PDE11A: variants seen among roughly 807,000 people sequenced by gnomAD.
PDE11A encodes the protein phosphodiesterase 11A.
In PDE11A, 100 loss-of-function variants were observed where a neutral mutation model predicts 100.5. The ratio of observed to expected loss-of-function variants is 1.00; its 90% CI spans 0.85 to 1.18. PDE11A has a LOEUF of 1.18. PDE11A is among the 50% of genes most tolerant of loss of function. The probability of loss-of-function intolerance (pLI) is 0.00; values close to 1 mark genes in which losing one functional copy is unlikely to be tolerated. For synonymous variants in PDE11A, 381 were observed against 420.8 expected (o/e 0.91, Z 1.16); for missense variants, 1,141 against 1,152.6 (o/e 0.99, Z 0.15).
At chr2:177,910,445 TAC>T (rs72185959) in intron 2 of PDE11A, among the ~76,000 whole-genome samples, 8,468 of 111,060 alleles carry the variant, frequency 0.076, 253 homozygotes, top group Middle Eastern at 0.17. Flanking sequence ...TATATATATA[TAC>T]ACACACACAC....
chr2:178,026,478 T>G (rs982876193), intron 1 of PDE11A, among the ~76,000 whole-genome samples: 1 of 152,112 alleles, frequency 6.6e-6, no homozygotes, highest in South Asian at 2.1e-4. Context: ...CTGGCCAACA[T>G]GGTGAAACCC....
chr2:177,955,881 C>G (rs1358503738), intron 2 of PDE11A, among the ~76,000 whole-genome samples: 1 of 152,106 alleles, frequency 6.6e-6, no homozygotes. Flanking sequence ...AACTGGATCC[C>G]TTCCTTAAAC....
intron 15 of PDE11A, chr2:177,683,260 A>T (rs1468509992): frequency 6.6e-6 from 1 of 152,292 alleles, no homozygotes; most frequent in Non-Finnish European, 1.5e-5. Flanking sequence ...GCCATACTAC[A>T]TACAGCATGG....
At chr2:178,083,473 C>A (rs1415462826) in intron 2 of PDE11A, among the ~76,000 whole-genome samples, 2 of 152,094 alleles carry the variant, frequency 1.3e-5, no homozygotes, top group Non-Finnish European at 2.9e-5. Context: ...AAAATAAAAA[C>A]AAAAATTTTT....
At chr2:177,718,139 T>C (rs2081470555) in intron 12 of PDE11A, among the ~76,000 whole-genome samples, 1 of 152,264 alleles carries the variant, frequency 6.6e-6, no homozygotes, top group Non-Finnish European at 1.5e-5. Context: ...TTTATAGTGC[T>C]TAGTATATGC....
At chr2:177,641,779 C>T (rs939812768) in intron 19 of PDE11A, among the ~76,000 whole-genome samples, 5 of 151,962 alleles carry the variant, frequency 3.3e-5, no homozygotes, top group Non-Finnish European at 2.9e-5. Context: ...ATTAAAGATA[C>T]CAGCCTTAAA....
chr2:177,836,390 C>G (rs111337755), intron 6 of PDE11A, among the ~76,000 whole-genome samples: 1 of 152,208 alleles, frequency 6.6e-6, no homozygotes, highest in South Asian at 2.1e-4. Flanking sequence ...TTTGTAAATG[C>G]ACCAATCATT....
intron 13 of PDE11A, among the ~76,000 whole-genome samples, chr2:177,706,812 C>T (rs2081286533): frequency 6.6e-6 from 1 of 152,048 alleles, no homozygotes; most frequent in Admixed American, 6.6e-5. Flanking sequence ...AAATCTAGTA[C>T]TAGTGACTCA....
chr2:177,921,041 G>A (rs1266863691), intron 2 of PDE11A, among the ~76,000 whole-genome samples: 4 of 145,884 alleles, frequency 2.7e-5, no homozygotes, highest in African/African-American at 1.0e-4. Context: ...CAGCCTGGGC[G>A]ACAGAGCGAG....
intron 9 of PDE11A, among the ~76,000 whole-genome samples, chr2:177,783,238 C>T (rs147717872): frequency 7.2e-5 from 11 of 152,250 alleles, no homozygotes; most frequent in African/African-American, 2.4e-4. Context: ...ATCAAGAGGG[C>T]TTGTCAAGGA....
rs564332670 is a variant in PDE11A at position 177,936,755 on chromosome 2, T to C, written c.1072-31568A>G. Among the ~76,000 whole-genome samples the C allele has an allele frequency of 3.9e-5, 6 of 152,264 alleles. No homozygotes were observed. In the South Asian group the frequency reaches 8.3e-4, roughly 21 times the overall value. ...GGCCAACATGGTGAAACCCTGTCTC[T>C]ACTAAAAGTACAAAAATTAGCTGGG... On this transcript the variant is annotated intron_variant, in intron 2 of 19. Transcript: ENST00000286063.
At chr2:177,753,487 G>C (rs1321093107) in intron 10 of PDE11A, among the ~76,000 whole-genome samples, 1 of 151,900 alleles carries the variant, frequency 6.6e-6, no homozygotes, top group African/African-American at 2.4e-5. Flanking sequence ...TCAAGGCCCA[G>C]GCAACCCTGA....
At chr2:177,830,221 AAT>A (rs2083286761) in intron 6 of PDE11A, among the ~76,000 whole-genome samples, 1 of 152,212 alleles carries the variant, frequency 6.6e-6, no homozygotes, top group African/African-American at 2.4e-5. Context: ...CCAATATCTT[AAT>A]TTCAGCCTTG....
chr2:177,802,727 T>C (rs1400759314), intron 9 of PDE11A, among the ~76,000 whole-genome samples: 4 of 152,090 alleles, frequency 2.6e-5, no homozygotes, highest in Non-Finnish European at 2.9e-5. Context: ...AAGGGAACTT[T>C]CTGGGGTGAT....
At chr2:177,684,718 A>C (rs897132122) in intron 15 of PDE11A, among the ~76,000 whole-genome samples, 1 of 152,266 alleles carries the variant, frequency 6.6e-6, no homozygotes, top group Non-Finnish European at 1.5e-5. Flanking sequence ...GAAATGATTT[A>C]TGTAAAACAT....
intron 1 of PDE11A, among the ~76,000 whole-genome samples, chr2:178,019,797 C>G (rs960771486): frequency 2.0e-5 from 3 of 152,126 alleles, no homozygotes; most frequent in Non-Finnish European, 4.4e-5. Context: ...GACAATGAGC[C>G]TCAGATTTTA....
chr2:177,795,187 A>T lies in PDE11A; in HGVS notation c.1737+21642T>A, dbSNP rs2082688333. On this transcript the variant is annotated intron_variant, in intron 9 of 19. Transcript: ENST00000286063. ...AATGTGAGGTTGGGAGATGGGTCTG[A>T]TGGGGCCAAATTTGGAGTTTCTGGA... Among the ~76,000 whole-genome samples the T allele has an allele frequency of 2.0e-5, 3 of 152,120 alleles. No individual in the cohort carries two copies. In the South Asian group the frequency reaches 6.2e-4, roughly 32 times the overall value.
chr2:177,986,501 T>G (rs2105806651), intron 2 of PDE11A, among the ~76,000 whole-genome samples: 1 of 152,222 alleles, frequency 6.6e-6, no homozygotes, highest in Admixed American at 6.5e-5. Context: ...TACTCATGCG[T>G]TTTACCCTCT....
chr2:177,637,961 ACG>A (rs2080070930), intron 19 of PDE11A, among the ~76,000 whole-genome samples: 1 of 143,048 alleles, frequency 7.0e-6, no homozygotes, highest in African/African-American at 2.5e-5. Flanking sequence ...ATACATATAT[ACG>A]TATATATATA....
Sources: allele counts gnomAD v4.1 joint callset (sites outside exome capture counted in the v4.1 genomes callset), GRCh38; gene constraint gnomAD v4.1.1; transcripts MANE v1.5; gene names NCBI Gene and HGNC (gene_info 2026-07-23, HGNC 2026-07-21).